The following DLGAP1 variants were observed in gnomAD, a reference collection of about 807,000 sequenced individuals.
DLGAP1 encodes disks large-associated protein 1.
A neutral mutation model predicts 90.8 loss-of-function variants in DLGAP1; 11 were observed. The observed-to-expected ratio is 0.12, with a 90% CI of 0.08 to 0.20. The LOEUF (loss-of-function observed/expected upper bound fraction) is 0.20. DLGAP1 is among the 10% of genes least tolerant of loss of function. DLGAP1 has a pLI of 1.00. For missense variants in DLGAP1, 1,050 were observed against 1,333.8 expected (o/e 0.79, Z 3.31); for synonymous variants, 558 against 540.7 (o/e 1.03, Z -0.44).
intron 7 of DLGAP1, among the ~76,000 whole-genome samples, chr18:3,657,245 C>T (rs1317591156): frequency 6.6e-6 from 1 of 152,218 alleles, no homozygotes; most frequent in Admixed American, 6.5e-5. Flanking sequence ...CTCTTTCAAA[C>T]TGGAGGAGTT....
chr18:3,588,719 G>A (rs2056050987), intron 7 of DLGAP1, among the ~76,000 whole-genome samples: 1 of 149,722 alleles, frequency 6.7e-6, no homozygotes, highest in Non-Finnish European at 1.5e-5. Context: ...GGCGGAGGTT[G>A]CAGTGAGCCA....
intron 10 of DLGAP1, among the ~76,000 whole-genome samples, chr18:3,521,763 C>T (rs1336133664): frequency 6.6e-6 from 1 of 152,148 alleles, no homozygotes; most frequent in Non-Finnish European, 1.5e-5. Flanking sequence ...TAGACTGTGC[C>T]CATGTAACTA....
chr18:3,989,575 TTG>T (rs34662278), intron 3 of DLGAP1, among the ~76,000 whole-genome samples: 59,806 of 151,924 alleles, frequency 0.39, 13,587 homozygotes, highest in Non-Finnish European at 0.51. Context: ...TTCAACTAGT[TTG>T]TGTTAATGAT....
At chr18:4,107,418 G>T in intron 2 of DLGAP1, among the ~76,000 whole-genome samples, 1 of 152,142 alleles carries the variant, frequency 6.6e-6, no homozygotes. Flanking sequence ...CTCTAGCTAC[G>T]TCTGGCTCCC....
chr18:3,743,135 T>A (rs945615657), intron 5 of DLGAP1, among the ~76,000 whole-genome samples: 4 of 152,138 alleles, frequency 2.6e-5, no homozygotes, highest in Admixed American at 2.0e-4. Flanking sequence ...TATTCTAGGA[T>A]GCATTGTAAA....
chr18:3,930,001 C>G (rs1411767547), intron 3 of DLGAP1, among the ~76,000 whole-genome samples: 1 of 152,202 alleles, frequency 6.6e-6, no homozygotes, highest in East Asian at 1.9e-4. Flanking sequence ...GCAAAGCTTA[C>G]AGTGTCACCA....
intron 2 of DLGAP1, among the ~76,000 whole-genome samples, chr18:4,025,768 T>C (rs750879460): frequency 6.6e-6 from 1 of 152,206 alleles, no homozygotes; most frequent in Non-Finnish European, 1.5e-5. Flanking sequence ...ATACAATTTA[T>C]AAATATCATA....
chr18:3,514,591 G>A (rs1158673100), intron 10 of DLGAP1, among the ~76,000 whole-genome samples: 1 of 152,128 alleles, frequency 6.6e-6, no homozygotes, highest in East Asian at 1.9e-4. Context: ...CATATTGTGG[G>A]TTTAGTTCCA....
chr18:4,040,699 G>C (rs918651443), intron 2 of DLGAP1, among the ~76,000 whole-genome samples: 1 of 152,152 alleles, frequency 6.6e-6, no homozygotes, highest in African/African-American at 2.4e-5. Flanking sequence ...AATTATTTAG[G>C]AGATGAAGTT....
At chr18:4,034,786 G>A (rs2074860892) in intron 2 of DLGAP1, among the ~76,000 whole-genome samples, 1 of 152,028 alleles carries the variant, frequency 6.6e-6, no homozygotes, top group South Asian at 2.1e-4. Context: ...GTGGGCCCAT[G>A]AAAGAAACAA....
intron 1 of DLGAP1, among the ~76,000 whole-genome samples, chr18:4,449,443 A>AAC (rs1157943841): frequency 6.6e-6 from 1 of 152,186 alleles, no homozygotes; most frequent in East Asian, 1.9e-4. Flanking sequence ...AGGACCAAAG[A>AAC]ACACAGCATC....
intron 7 of DLGAP1, among the ~76,000 whole-genome samples, chr18:3,678,598 G>T (rs545005525): frequency 6.6e-6 from 1 of 152,150 alleles, no homozygotes; most frequent in East Asian, 1.9e-4. Context: ...TATGGCTTTG[G>T]ATAAAATACA....
At chr18:4,087,078 CATATATGT>C (rs1290558430) in intron 2 of DLGAP1, among the ~76,000 whole-genome samples, 7 of 83,540 alleles carry the variant, frequency 8.4e-5, no homozygotes, top group Admixed American at 2.0e-4. Flanking sequence ...CTTATATATA[CATATATGT>C]ATATATGTAT....
intron 3 of DLGAP1, among the ~76,000 whole-genome samples, chr18:3,969,061 A>G (rs1048978955): frequency 6.6e-6 from 1 of 152,202 alleles, no homozygotes; most frequent in African/African-American, 2.4e-5. Flanking sequence ...CATAGGATGT[A>G]TATTCTGAAA....
chr18:3,982,786 T>C (rs1393267253), intron 3 of DLGAP1, among the ~76,000 whole-genome samples: 1 of 152,206 alleles, frequency 6.6e-6, no homozygotes, highest in Non-Finnish European at 1.5e-5. Context: ...AGTCGCAGAC[T>C]TAGGTAATTA....
chr18:4,301,689 T>C (rs1385474026), intron 1 of DLGAP1, among the ~76,000 whole-genome samples: 1 of 152,178 alleles, frequency 6.6e-6, no homozygotes, highest in Non-Finnish European at 1.5e-5. Flanking sequence ...TGCTGGATCA[T>C]ATAATAATTC....
chr18:3,811,732 G>A (rs113978292), intron 5 of DLGAP1, among the ~76,000 whole-genome samples: 11 of 152,170 alleles, frequency 7.2e-5, no homozygotes, highest in Non-Finnish European at 1.5e-4. Flanking sequence ...ACAAAAATAC[G>A]GTCCAGGACG....
chr18:4,174,229 C>T (rs1241373412), intron 1 of DLGAP1, among the ~76,000 whole-genome samples: 3 of 152,190 alleles, frequency 2.0e-5, no homozygotes, highest in Non-Finnish European at 4.4e-5. Flanking sequence ...CAAGAAGGAG[C>T]TTCCCATCTG....
intron 1 of DLGAP1, among the ~76,000 whole-genome samples, chr18:4,199,374 T>C (rs1211844030): frequency 2.6e-5 from 4 of 152,218 alleles, no homozygotes; most frequent in African/African-American, 4.8e-5. Flanking sequence ...ATTTCAACAC[T>C]ATGAAGAATA....
Sources: allele counts gnomAD v4.1 joint callset (sites outside exome capture counted in the v4.1 genomes callset), GRCh38; gene constraint gnomAD v4.1.1; transcripts MANE v1.5; gene names NCBI Gene and HGNC (gene_info 2026-07-23, HGNC 2026-07-21).